The following ABI2 variants were observed in gnomAD, a reference collection of about 807,000 sequenced individuals.
The protein encoded by ABI2 is abl interactor 2.
In ABI2, 25 loss-of-function variants were observed where a neutral mutation model predicts 59.2. The observed-to-expected ratio is 0.42, with a 90% CI of 0.31 to 0.59. The LOEUF is 0.59. ABI2 is among the 20% of genes least tolerant of loss of function. The pLI is 0.14. For synonymous variants in ABI2, 213 were observed against 235.5 expected, an observed-to-expected ratio of 0.90 and a Z score of 0.87; for missense variants, 545 against 681.8, an observed-to-expected ratio of 0.80 and a Z score of 2.23.
chr2:203,333,623 T>C (rs2152344577), intron 1 of ABI2, among the ~76,000 whole-genome samples: 1 of 152,258 alleles, frequency 6.6e-6, no homozygotes, highest in African/African-American at 2.4e-5. Context: ...AAGAAATTAG[T>C]CCCTAACTCT....
At chr2:203,346,607 C>T (rs1031010989) in intron 1 of ABI2, among the ~76,000 whole-genome samples, 2 of 152,200 alleles carry the variant, frequency 1.3e-5, no homozygotes, top group African/African-American at 4.8e-5. Context: ...AACTCTTTCT[C>T]CCCCACCACA....
Position 203,431,125 on chromosome 2 carries a change from C to T in ABI2, c.*3773C>T, listed in dbSNP as rs2153628112. On this transcript the variant is annotated 3_prime_UTR_variant, in exon 12 of 12. Transcript: ENST00000261018. ...TTCTGGTCTTTTTGGCCGGGAACTC[C>T]TGATTGGTGTTAAGGTGGTAATTTC... 1 of 152,270 alleles carries T rather than the reference C, an allele frequency of 6.6e-6. No individual in the cohort carries two copies. Among genetic ancestry groups the T allele is most frequent in the Non-Finnish European group, 1.5e-5 (1 of 68,014 alleles). 9.4% of individuals were successfully genotyped at this position (152,270 alleles called of 1,614,324 possible).
intron 2 of ABI2, chr2:203,367,323 CTTTT>C (rs35598384): frequency 1.2e-5 from 2 of 167,980 alleles, no homozygotes; most frequent in Admixed American, 6.7e-5. Flanking sequence ...ATTCCCCCGC[CTTTT>C]TTTTTTTTTA....
intron 1 of ABI2, among the ~76,000 whole-genome samples, chr2:203,336,119 G>A (rs2076328482): frequency 1.3e-5 from 2 of 152,116 alleles, no homozygotes; most frequent in African/African-American, 2.4e-5. Context: ...GTGTTATTGT[G>A]TTTTGTCAGT....
At position 203,428,113 on chromosome 2, in the gene ABI2, TGTG is replaced by T. The variant is rs964513428; in HGVS notation, c.*764_*766del. The T allele has an allele frequency of 6.6e-6, 1 of 152,144 alleles. No individual in the cohort carries two copies. The highest frequency in any genetic ancestry group is 1.5e-5 in the Non-Finnish European group (1 of 68,042). 9.4% of individuals were successfully genotyped at this position (152,144 alleles called of 1,614,324 possible). On this transcript the variant is annotated 3_prime_UTR_variant, in exon 12 of 12. Coordinates refer to ENST00000261018, the MANE Select transcript of ABI2 (RefSeq NM_001375670.1). ...ATGGCCAGTGTACCCAGATGTGAAG[TGTG>T]GTAGGCTGGTTCATATGTGGAGGTG...
chr2:203,354,809 G>T (rs1017176898), intron 1 of ABI2, among the ~76,000 whole-genome samples: 2 of 152,164 alleles, frequency 1.3e-5, no homozygotes. Context: ...AAACATGCCT[G>T]CCCTTTGCTC....
At chr2:203,399,337 A>G (rs2097128943) in intron 8 of ABI2, among the ~76,000 whole-genome samples, 1 of 152,026 alleles carries the variant, frequency 6.6e-6, no homozygotes, top group Non-Finnish European at 1.5e-5. Flanking sequence ...TGCCATGTGT[A>G]TATCCTCTTT....
At chr2:203,390,493 G>A (rs995771750) in intron 4 of ABI2, among the ~76,000 whole-genome samples, 12 of 152,014 alleles carry the variant, frequency 7.9e-5, no homozygotes, top group Admixed American at 2.0e-4. Context: ...TTAGCTGGTC[G>A]TGGTGGCATG....
At chr2:203,372,920 A>G (rs1235329876) in intron 2 of ABI2, among the ~76,000 whole-genome samples, 1 of 150,136 alleles carries the variant, frequency 6.7e-6, no homozygotes, top group Non-Finnish European at 1.5e-5. Context: ...CTGGGCAGAG[A>G]CGCTCCTCAC....
intron 1 of ABI2, among the ~76,000 whole-genome samples, chr2:203,348,228 G>A (rs1425849433): frequency 6.6e-6 from 1 of 152,034 alleles, no homozygotes; most frequent in East Asian, 1.9e-4. Context: ...GGGACAGAGC[G>A]AAACTTTGTC....
In ABI2 at chr2:203,411,278, T is replaced by A; in HGVS notation, c.1193-7T>A. 1 of 1,612,350 alleles carries A rather than the reference T, an allele frequency of 6.2e-7. No homozygotes were observed. Among genetic ancestry groups the A allele is most frequent in the Non-Finnish European group, 8.5e-7 (1 of 1,178,532 alleles). On this transcript the variant is annotated splice_polypyrimidine_tract_variant and splice_region_variant and intron_variant, in intron 9 of 11. Transcript: ENST00000261018. ...CCTTATCCTCCACACCTTTTTTGTT[T>A]TTGCAGTATCTCTTGCTCCTCCTCC...
intron 8 of ABI2, among the ~76,000 whole-genome samples, chr2:203,401,685 T>A (rs958426678): frequency 1.3e-5 from 2 of 152,228 alleles, no homozygotes; most frequent in Non-Finnish European, 2.9e-5. Context: ...GTAAATTTTT[T>A]AGATTTTAAT....
intron 5 of ABI2, among the ~76,000 whole-genome samples, chr2:203,391,362 G>A (rs533933845): frequency 6.6e-6 from 1 of 152,222 alleles, no homozygotes; most frequent in Admixed American, 6.5e-5. Flanking sequence ...TAAATTTGAG[G>A]TAAAATCCTA....
intron 1 of ABI2, among the ~76,000 whole-genome samples, chr2:203,347,822 C>T (rs1426817700): frequency 6.6e-6 from 1 of 152,116 alleles, no homozygotes; most frequent in Non-Finnish European, 1.5e-5. Context: ...TAAGGCCTAG[C>T]AGTTGTTTGA....
rs544847659 is a variant in ABI2 at position 203,385,750 on chromosome 2, G to T, written c.480+3544G>T. 6.6e-4 allele frequency among the ~76,000 whole-genome samples: 100 copies of T among 152,264 alleles called. 1 individual carries two copies. The highest frequency in any genetic ancestry group is 2.3e-3 in the African/African-American group (94 of 41,562). On this transcript the variant is annotated intron_variant, in intron 4 of 11. Transcript: ENST00000261018. The stretch of plus-strand genomic sequence containing the variant: ...GAGACCCATCTGTTTTTGCCTATAA[G>T]TTCCAACCTTAAGCCATCAATTCTG...
At chr2:203,391,820 CAA>C (rs1373761885) in intron 5 of ABI2, among the ~76,000 whole-genome samples, 42 of 59,782 alleles carry the variant, frequency 7.0e-4, no homozygotes, top group Admixed American at 1.1e-3. Flanking sequence ...GCCCCTGTCT[CAA>C]AAAAAAAAAA....
chr2:203,382,652 A>G (rs569356596), intron 4 of ABI2, among the ~76,000 whole-genome samples: 4 of 152,276 alleles, frequency 2.6e-5, no homozygotes, highest in East Asian at 1.9e-4. Context: ...TTTTTATTCT[A>G]TAAATGGTAT....
intron 4 of ABI2, among the ~76,000 whole-genome samples, chr2:203,384,106 A>G (rs545468165): frequency 6.6e-6 from 1 of 152,278 alleles, no homozygotes; most frequent in Admixed American, 6.5e-5. Context: ...TTCTTCAGTC[A>G]AGTTACAAAT....
intron 9 of ABI2, among the ~76,000 whole-genome samples, chr2:203,407,754 T>C (rs1370836282): frequency 2.0e-5 from 3 of 152,200 alleles, no homozygotes; most frequent in Non-Finnish European, 4.4e-5. Context: ...TTTAGCTAAA[T>C]GAAATGAAAA....
Sources: gnomAD v4.1 joint callset for allele counts (sites outside exome capture counted in the v4.1 genomes callset) on GRCh38, gnomAD v4.1.1 for gene constraint, MANE v1.5 for transcripts, NCBI Gene and HGNC (gene_info 2026-07-23, HGNC 2026-07-21) for gene names.